Variants in CRB1 observed in about 807,000 individuals in gnomAD.
CRB1 encodes crumbs cell polarity complex component 1, also known as protein crumbs homolog 1.
Under a neutral mutation model 120.0 loss-of-function variants are expected in CRB1, and 83 were observed. The ratio of observed to expected loss-of-function variants is 0.69; its 90% CI spans 0.58 to 0.83. CRB1 has a LOEUF of 0.83. Among genes scored for constraint, CRB1 ranks in the 40% least tolerant of loss-of-function variants. The pLI, the probability that CRB1 is intolerant of heterozygous loss-of-function variation, is 0.00. For synonymous variants in CRB1, 625 were observed against 612.5 expected, an observed-to-expected ratio of 1.02 and a Z score of -0.30; for missense variants, 1,699 against 1,687.6, an observed-to-expected ratio of 1.01 and a Z score of -0.12.
chr1:197,470,144 G>A (rs1666917968), intron 11 of CRB1, among the ~76,000 whole-genome samples: 1 of 152,178 alleles, frequency 6.6e-6, no homozygotes, highest in African/African-American at 2.4e-5. Flanking sequence ...CTGCCAAGTG[G>A]CAGTCTGCAA....
chr1:197,450,045 A>T (rs2125527482), intron 11 of CRB1, among the ~76,000 whole-genome samples: 1 of 152,290 alleles, frequency 6.6e-6, no homozygotes, highest in South Asian at 2.1e-4. Context: ...TAAAAATCAC[A>T]TAGTGCCCTC....
At chr1:197,400,223 A>C (rs1439892392) in intron 5 of CRB1, among the ~76,000 whole-genome samples, 1 of 152,152 alleles carries the variant, frequency 6.6e-6, no homozygotes, top group Non-Finnish European at 1.5e-5. Context: ...TCTGCAATTA[A>C]CCGGAGTAAC....
At chr1:197,279,317 G>A (rs1655391627) in intron 1 of CRB1, among the ~76,000 whole-genome samples, 1 of 151,716 alleles carries the variant, frequency 6.6e-6, no homozygotes, top group Admixed American at 6.6e-5. Context: ...ATTGCAAGGA[G>A]CTACTTAATA....
chr1:197,255,114 T>C, the CRB1 span, among the ~76,000 whole-genome samples: 1 of 152,072 alleles, frequency 6.6e-6, no homozygotes, highest in Admixed American at 6.6e-5. Context: ...TTTCATTTGA[T>C]AGCAGTGTGC....
intron 5 of CRB1, chr1:197,364,011 T>C: frequency 7.2e-7 from 1 of 1,386,052 alleles, no homozygotes; most frequent in Non-Finnish European, 1.0e-6. Flanking sequence ...GGATCTACAG[T>C]ATGGAAATGG....
chr1:197,434,413 C>G (rs1665021632), intron 8 of CRB1, among the ~76,000 whole-genome samples: 1 of 152,028 alleles, frequency 6.6e-6, no homozygotes, highest in African/African-American at 2.4e-5. Context: ...GCTATCAGAC[C>G]ATCCCAGTTT....
the CRB1 span, among the ~76,000 whole-genome samples, chr1:197,209,419 C>T: frequency 2.6e-5 from 4 of 152,066 alleles, no homozygotes; most frequent in Non-Finnish European, 5.9e-5. Flanking sequence ...GATCTTGGCT[C>T]ACTGCAACCT....
chr1:197,470,656 C>T (rs1324375437), intron 11 of CRB1, among the ~76,000 whole-genome samples: 1 of 152,216 alleles, frequency 6.6e-6, no homozygotes, highest in African/African-American at 2.4e-5. Context: ...TGTCCTCAAA[C>T]CTCTAGCTGC....
chr1:197,359,616 G>C (rs532015527), intron 5 of CRB1, among the ~76,000 whole-genome samples: 4 of 152,246 alleles, frequency 2.6e-5, no homozygotes, highest in Non-Finnish European at 5.9e-5. Context: ...AAATGCCCAG[G>C]AGTAAAATTG....
intron 11 of CRB1, among the ~76,000 whole-genome samples, chr1:197,472,300 G>T (rs951711713): frequency 6.6e-6 from 1 of 152,150 alleles, no homozygotes; most frequent in Admixed American, 6.5e-5. Flanking sequence ...TTCCAGTGTG[G>T]TGTTTTCCAG....
At chr1:197,293,224 C>A (rs1003643800) in intron 1 of CRB1, among the ~76,000 whole-genome samples, 1 of 152,120 alleles carries the variant, frequency 6.6e-6, no homozygotes, top group African/African-American at 2.4e-5. Context: ...TCTCAGGATG[C>A]AAAATCAATG....
chr1:197,211,885 A>G, the CRB1 span, among the ~76,000 whole-genome samples: 3 of 152,144 alleles, frequency 2.0e-5, no homozygotes, highest in African/African-American at 7.2e-5. Flanking sequence ...GCAAGCATAT[A>G]TCTGGCAAAG....
chr1:197,385,434 A>AATATATGTCTAATATGTAG (rs1662165995), intron 5 of CRB1, among the ~76,000 whole-genome samples: 6 of 152,006 alleles, frequency 3.9e-5, no homozygotes, highest in African/African-American at 1.4e-4. Context: ...CTAATATGTA[A>AATATATGTCTAATATGTAG]GATATTAAAT....
At chr1:197,355,373 G>A (rs751230591) in intron 4 of CRB1, among the ~76,000 whole-genome samples, 16 of 152,198 alleles carry the variant, frequency 1.1e-4, no homozygotes, top group African/African-American at 2.9e-4. Flanking sequence ...GGAGCTGCCC[G>A]CCAGTCCCGC....
the CRB1 span, among the ~76,000 whole-genome samples, chr1:197,224,176 A>G: frequency 6.6e-6 from 1 of 152,116 alleles, no homozygotes; most frequent in Non-Finnish European, 1.5e-5. Flanking sequence ...GCCAATATTT[A>G]ATGTCCTGTT....
the CRB1 span, among the ~76,000 whole-genome samples, chr1:197,238,415 G>C: frequency 4.6e-5 from 7 of 151,946 alleles, no homozygotes; most frequent in African/African-American, 1.7e-4. Context: ...ATATTGCTTT[G>C]ATCTTATTAT....
intron 6 of CRB1, among the ~76,000 whole-genome samples, chr1:197,426,657 A>T (rs1242499040): frequency 6.6e-6 from 1 of 152,134 alleles, no homozygotes; most frequent in African/African-American, 2.4e-5. Flanking sequence ...CAGGAAATGC[A>T]GGGTGGGTTT....
In CRB1 at chr1:197,424,984, A is replaced by G. The variant is rs183708236; in HGVS notation, c.2129-2470A>G. 2.6e-5 allele frequency among the ~76,000 whole-genome samples: 4 copies of G among 152,252 alleles called. No homozygotes were observed. The East Asian group carries it at 7.7e-4, about 29-fold the overall frequency. ...ATTAGTTGCTTGTGATTTCTGAGAA[A>G]TAGGATTGCTGAAGAATCAGGCTTC... On this transcript the variant is annotated intron_variant, in intron 6 of 11. Coordinates refer to ENST00000367400, the MANE Select transcript of CRB1 (RefSeq NM_201253.3).
At chr1:197,307,743 G>A (rs1039512150) in intron 1 of CRB1, among the ~76,000 whole-genome samples, 10 of 152,146 alleles carry the variant, frequency 6.6e-5, no homozygotes, top group African/African-American at 9.7e-5. Context: ...AGTACTGGAG[G>A]TATTACGATG....
Sources: allele counts gnomAD v4.1 joint callset (sites outside exome capture counted in the v4.1 genomes callset), GRCh38; gene constraint gnomAD v4.1.1; transcripts MANE v1.5; gene names NCBI Gene and HGNC (gene_info 2026-07-23, HGNC 2026-07-21).